Variants in ARID2 observed in about 807,000 individuals in gnomAD.
ARID2 encodes AT-rich interaction domain 2.
In ARID2, 32 loss-of-function variants were observed where a neutral mutation model predicts 184.6. The observed-to-expected ratio is 0.17, with a 90% CI of 0.13 to 0.23. The LOEUF (loss-of-function observed/expected upper bound fraction) is 0.23, where lower values mean the gene tolerates loss of function less well. Ranked by LOEUF, ARID2 falls within the 10% of genes least tolerant of loss-of-function variation. The pLI is 1.00. For synonymous variants in ARID2, 836 were observed against 772.6 expected, an observed-to-expected ratio of 1.08 and a Z score of -1.36; for missense variants, 1,696 against 2,197.6, an observed-to-expected ratio of 0.77 and a Z score of 4.56.
intron 16 of ARID2, among the ~76,000 whole-genome samples, chr12:45,883,943 T>C (rs10161536): frequency 0.094 from 14,357 of 152,190 alleles, 2,273 homozygotes; most frequent in African/African-American, 0.32. Flanking sequence ...TGTGAACTGA[T>C]GTGCTAGCAT....
At chr12:45,793,027 A>G (rs1942321134) in intron 3 of ARID2, among the ~76,000 whole-genome samples, 2 of 152,108 alleles carry the variant, frequency 1.3e-5, no homozygotes, top group Admixed American at 1.3e-4. Flanking sequence ...GGCCGGGTGC[A>G]GTGGCTCACG....
At chr12:45,826,561 C>G (rs991110294) in intron 6 of ARID2, among the ~76,000 whole-genome samples, 1 of 151,818 alleles carries the variant, frequency 6.6e-6, no homozygotes, top group South Asian at 2.1e-4. Flanking sequence ...ATTACAGACT[C>G]CTGCCACCAT....
At chr12:45,879,577 A>T (rs1217194164) in intron 16 of ARID2, among the ~76,000 whole-genome samples, 1 of 152,212 alleles carries the variant, frequency 6.6e-6, no homozygotes, top group African/African-American at 2.4e-5. Context: ...TCTGTATTCA[A>T]GGGTCTCTCC....
chr12:45,880,916 G>C (rs954639687), intron 16 of ARID2: 1 of 200,102 alleles, frequency 5.0e-6, no homozygotes, highest in African/African-American at 2.3e-5. Flanking sequence ...TGGCTGTTTG[G>C]GGGGACACAA....
rs1380776879 is a variant in ARID2 at position 45,905,906 on chromosome 12, A to C, written c.*828A>C. 1.3e-5 allele frequency: 3 copies of C among 230,480 alleles called. No homozygotes were observed. Among genetic ancestry groups the C allele is most frequent in the African/African-American group, 6.7e-5 (3 of 44,454 alleles). 14.3% of individuals were successfully genotyped at this position (230,480 alleles called of 1,614,324 possible). A position where few individuals can be genotyped will look rare whatever the true frequency, so the allele number is the denominator to read the frequency against. ...GGTACTGATGCTGTAAAGTCAAAACAGTTTTGTGGAACTGTGATTTTTTTT... is the reference window on the plus strand; with the variant it reads ...GGTACTGATGCTGTAAAGTCAAAACCGTTTTGTGGAACTGTGATTTTTTTT... On this transcript the variant is annotated 3_prime_UTR_variant, in exon 21 of 21. Coordinates refer to ENST00000334344, the MANE Select transcript of ARID2 (RefSeq NM_152641.4).
At chr12:45,733,994 T>C (rs912369877) in intron 3 of ARID2, among the ~76,000 whole-genome samples, 5 of 152,200 alleles carry the variant, frequency 3.3e-5, no homozygotes, top group African/African-American at 1.2e-4. Context: ...TCCAGAAATA[T>C]ATACACGTAC....
intron 3 of ARID2, among the ~76,000 whole-genome samples, chr12:45,802,924 A>G (rs1942533602): frequency 1.3e-5 from 2 of 152,058 alleles, no homozygotes; most frequent in African/African-American, 2.4e-5. Flanking sequence ...CACATGTCTA[A>G]TCTTACCCCG....
At chr12:45,813,537 T>G (rs1942751485) in intron 4 of ARID2, among the ~76,000 whole-genome samples, 2 of 151,934 alleles carry the variant, frequency 1.3e-5, no homozygotes, top group South Asian at 4.1e-4. Flanking sequence ...CTTAGAACTT[T>G]GAGAAGATAT....
intron 3 of ARID2, among the ~76,000 whole-genome samples, chr12:45,755,705 C>A (rs1941555709): frequency 6.6e-6 from 1 of 152,096 alleles, no homozygotes; most frequent in South Asian, 2.1e-4. Flanking sequence ...GAACTTTTTA[C>A]AACTTCATCT....
chr12:45,848,979 C>T lies in ARID2; in HGVS notation c.1715+9C>T. The T allele has an allele frequency of 6.2e-7, 1 of 1,605,590 alleles. No homozygotes were observed. The highest frequency in any genetic ancestry group is 2.2e-5 in the East Asian group (1 of 44,674). On this transcript the variant is annotated intron_variant, in intron 13 of 20. Coordinates refer to ENST00000334344, the MANE Select transcript of ARID2 (RefSeq NM_152641.4). ...TTTTATAAATGTCTTAGGTAGGATC[C>T]ATAGTTCTTTAAATAAAGTCCATTT... is the stretch of plus-strand genomic sequence containing the variant.
intron 11 of ARID2, among the ~76,000 whole-genome samples, chr12:45,844,198 T>C (rs1943402704): frequency 6.6e-6 from 1 of 152,054 alleles, no homozygotes; most frequent in Non-Finnish European, 1.5e-5. Context: ...CCACCAAGTC[T>C]GGCTAAGGAC....
intron 3 of ARID2, among the ~76,000 whole-genome samples, chr12:45,744,553 G>A (rs1268680089): frequency 1.3e-5 from 2 of 152,020 alleles, no homozygotes; most frequent in African/African-American, 4.8e-5. Flanking sequence ...AAATTTGGAG[G>A]AAAATTATCT....
At chr12:45,847,063 C>A in intron 12 of ARID2, 126 bp downstream of exon 12, 1 of 692,684 alleles carries the variant, frequency 1.4e-6, no homozygotes, top group Non-Finnish European at 2.3e-6. Context: ...AGTAGAATAT[C>A]ATTTACACAA....
chr12:45,899,249 C>A (rs145114456), intron 20 of ARID2, among the ~76,000 whole-genome samples: 1 of 105,194 alleles, frequency 9.5e-6, no homozygotes, highest in Admixed American at 1.4e-4. Context: ...TCCAGCCTGG[C>A]GAAAGAGCAA....
intron 3 of ARID2, among the ~76,000 whole-genome samples, chr12:45,757,035 A>G (rs1262590800): frequency 6.6e-6 from 1 of 152,220 alleles, no homozygotes; most frequent in East Asian, 1.9e-4. Flanking sequence ...TGCAGCCTGA[A>G]TTAAGGGAAA....
chr12:45,842,223 C>T (rs1174496619), intron 11 of ARID2: 2 of 144,222 alleles, frequency 1.4e-5, no homozygotes, highest in Admixed American at 6.9e-5. Context: ...GAGCAAGAAC[C>T]TGGTCTATCT....
chr12:45,837,229 C>A, intron 8 of ARID2, 92 bp from the exon 9 acceptor site: 1 of 1,219,308 alleles, frequency 8.2e-7, no homozygotes, highest in Non-Finnish European at 1.1e-6. Context: ...CGTTATGCAA[C>A]ATTGTCCTGT....
At chr12:45,779,664 T>A (rs1039575764) in intron 3 of ARID2, among the ~76,000 whole-genome samples, 1 of 152,124 alleles carries the variant, frequency 6.6e-6, no homozygotes, top group South Asian at 2.1e-4. Context: ...ATTATTTGGA[T>A]TTTTAGAGTA....
chr12:45,881,447 TC>T (rs576056923), intron 16 of ARID2: 283 of 153,730 alleles, frequency 1.8e-3, no homozygotes, highest in Non-Finnish European at 3.0e-3. Context: ...CAGAGCCACG[TC>T]CTCAGTGAGT....
Sources: allele counts gnomAD v4.1 joint callset (sites outside exome capture counted in the v4.1 genomes callset), GRCh38; gene constraint gnomAD v4.1.1; transcripts MANE v1.5; gene names NCBI Gene and HGNC (gene_info 2026-07-23, HGNC 2026-07-21).